BLTP1: variants seen among roughly 807,000 people sequenced by gnomAD.
The protein encoded by BLTP1 is fragile site-associated protein.
At chr4:122,212,155 C>A in the BLTP1 span, 1 of 717,840 alleles carries the variant, frequency 1.4e-6, no homozygotes, top group Non-Finnish European at 1.7e-6. Context: ...GAAGTGCTGG[C>A]TGAACTGGGT....
the BLTP1 span, chr4:122,168,053 T>A: frequency 4.8e-6 from 1 of 209,974 alleles, no homozygotes; most frequent in Non-Finnish European, 8.3e-6. Flanking sequence ...CCAGAATATC[T>A]ACTTCTTACT....
the BLTP1 span, chr4:122,324,362 TA>T: frequency 6.8e-7 from 1 of 1,476,974 alleles, no homozygotes; most frequent in South Asian, 1.4e-5. Flanking sequence ...TATTTTCTTT[TA>T]TTTGAAGTCA....
chr4:122,161,582 C>T, the BLTP1 span, among the ~76,000 whole-genome samples: 1 of 151,930 alleles, frequency 6.6e-6, no homozygotes, highest in Non-Finnish European at 1.5e-5. Context: ...AGGTGCTTGC[C>T]ACCACACCCA....
chr4:122,298,172 CTATT>C, the BLTP1 span: 7 of 755,664 alleles, frequency 9.3e-6, no homozygotes, highest in South Asian at 1.2e-4. Flanking sequence ...AGATAAAATA[CTATT>C]TATTATTTAA....
At chr4:122,297,136 A>T in the BLTP1 span, among the ~76,000 whole-genome samples, 1 of 152,218 alleles carries the variant, frequency 6.6e-6, no homozygotes, top group Non-Finnish European at 1.5e-5. Context: ...GTAAACAGAC[A>T]GAATGGGGAA....
At chr4:122,352,991 C>T in the BLTP1 span, 1 of 1,613,998 alleles carries the variant, frequency 6.2e-7, no homozygotes, top group Non-Finnish European at 8.5e-7. Flanking sequence ...ATTCCATTAC[C>T]AGAAGATGGA....
the BLTP1 span, among the ~76,000 whole-genome samples, chr4:122,287,369 A>T: frequency 1.3e-5 from 2 of 152,318 alleles, no homozygotes; most frequent in Non-Finnish European, 1.5e-5. Flanking sequence ...AAGCATTTGG[A>T]CACATTTTTC....
the BLTP1 span, among the ~76,000 whole-genome samples, chr4:122,177,036 C>T: frequency 1.3e-5 from 2 of 152,178 alleles, no homozygotes; most frequent in Non-Finnish European, 1.5e-5. Context: ...CAGTCATCAT[C>T]CTTGATTTCT....
chr4:122,244,161 GATT>G, the BLTP1 span: 1 of 931,580 alleles, frequency 1.1e-6, no homozygotes, highest in East Asian at 3.1e-5. Context: ...TCATATAGAA[GATT>G]ATTGATAGCT....
At chr4:122,267,652 C>T in the BLTP1 span, 1 of 970,496 alleles carries the variant, frequency 1.0e-6, no homozygotes, top group Non-Finnish European at 1.2e-6. Flanking sequence ...TATTGAGAGT[C>T]TAGCCATCAG....
At chr4:122,325,272 G>A in the BLTP1 span, 1 of 1,609,282 alleles carries the variant, frequency 6.2e-7, no homozygotes, top group Admixed American at 1.7e-5. Context: ...AAATCCGTGT[G>A]GATGCAGCAT....
chr4:122,192,854 A>G, the BLTP1 span, among the ~76,000 whole-genome samples: 1 of 152,200 alleles, frequency 6.6e-6, no homozygotes, highest in Non-Finnish European at 1.5e-5. Context: ...AAAGTACTCT[A>G]CTAGTTTGCT....
At chr4:122,234,839 C>T in the BLTP1 span, 18 of 1,612,812 alleles carry the variant, frequency 1.1e-5, no homozygotes, top group East Asian at 2.2e-5. Flanking sequence ...GTGGTTGTCT[C>T]GGTGGCTGCA....
the BLTP1 span, chr4:122,270,246 A>T: frequency 2.5e-6 from 1 of 393,398 alleles, no homozygotes; most frequent in Admixed American, 6.4e-5. Flanking sequence ...TTTAAGTTAA[A>T]TGCAAAATAT....
chr4:122,269,762 G>C, the BLTP1 span: 8 of 828,450 alleles, frequency 9.7e-6, no homozygotes, highest in Non-Finnish European at 1.2e-5. Context: ...ATTTAGCATT[G>C]AGTCTGGCAT....
At chr4:122,261,514 G>A in the BLTP1 span, 1 of 982,714 alleles carries the variant, frequency 1.0e-6, no homozygotes, top group African/African-American at 1.7e-5. Context: ...ACAGAAGATA[G>A]AAATCGAAAA....
At chr4:122,355,837 A>C in the BLTP1 span, 2 of 1,611,128 alleles carry the variant, frequency 1.2e-6, no homozygotes. Context: ...CAACACTGAG[A>C]ATAGCACTAC....
At chr4:122,285,208 C>A in the BLTP1 span, among the ~76,000 whole-genome samples, 1 of 151,744 alleles carries the variant, frequency 6.6e-6, no homozygotes, top group East Asian at 1.9e-4. Context: ...TGTTAAATAT[C>A]CAGAGAGATA....
the BLTP1 span, chr4:122,210,891 A>C: frequency 4.3e-6 from 7 of 1,611,822 alleles, no homozygotes; most frequent in African/African-American, 9.4e-5. Flanking sequence ...TTACAGTATC[A>C]GAAATGGAAG....
Sources: gnomAD v4.1 joint callset for allele counts (sites outside exome capture counted in the v4.1 genomes callset) on GRCh38, gnomAD v4.1.1 for gene constraint, MANE v1.5 for transcripts, NCBI Gene and HGNC (gene_info 2026-07-23, HGNC 2026-07-21) for gene names.